The following KCNIP4 variants were observed in gnomAD, a reference collection of about 807,000 sequenced individuals.
KCNIP4 encodes Kv channel-interacting protein 4.
In KCNIP4, 12 loss-of-function variants were observed where a neutral mutation model predicts 34.0. That is an observed-to-expected ratio of 0.35 (90% CI 0.23 to 0.57). The LOEUF (loss-of-function observed/expected upper bound fraction) is 0.57, where lower values mean the gene tolerates loss of function less well. Ranked by LOEUF, KCNIP4 falls within the 20% of genes least tolerant of loss-of-function variation. KCNIP4 has a pLI of 0.83. For missense variants in KCNIP4, 238 were observed against 311.7 expected (o/e 0.76, Z 1.78); for synonymous variants, 124 against 102.2 (o/e 1.21, Z -1.29).
At chr4:20,989,371 G>T (rs1736879653) in intron 1 of KCNIP4, among the ~76,000 whole-genome samples, 1 of 152,230 alleles carries the variant, frequency 6.6e-6, no homozygotes, top group Admixed American at 6.5e-5. Flanking sequence ...AGAGAGCAGA[G>T]TTGGCTTGTT....
At chr4:21,346,080 TTA>T (rs1717291580) in intron 1 of KCNIP4, among the ~76,000 whole-genome samples, 1 of 127,236 alleles carries the variant, frequency 7.9e-6, no homozygotes, top group African/African-American at 2.9e-5. Flanking sequence ...ATATATATAT[TTA>T]AGATATTTAA....
chr4:21,281,116 T>C (rs1480922925), intron 1 of KCNIP4, among the ~76,000 whole-genome samples: 1 of 149,728 alleles, frequency 6.7e-6, no homozygotes, highest in African/African-American at 2.5e-5. Context: ...AGATGGAGTC[T>C]TGTTCTGTTC....
intron 1 of KCNIP4, among the ~76,000 whole-genome samples, chr4:21,642,831 A>G (rs892485092): frequency 1.3e-5 from 2 of 152,018 alleles, no homozygotes; most frequent in East Asian, 3.9e-4. Flanking sequence ...CTGGTACTCT[A>G]CAATGGAAAT....
chr4:21,045,287 T>TA (rs1742335047), intron 1 of KCNIP4, among the ~76,000 whole-genome samples: 1 of 152,152 alleles, frequency 6.6e-6, no homozygotes. Flanking sequence ...GGGATTTTGG[T>TA]AAAATGCAGA....
chr4:21,380,911 C>CT (rs762036498), intron 1 of KCNIP4, among the ~76,000 whole-genome samples: 69 of 152,122 alleles, frequency 4.5e-4, no homozygotes, highest in Admixed American at 9.2e-4. Flanking sequence ...GGAGAGGCAC[C>CT]TGATAAGATT....
chr4:20,904,272 G>T lies in KCNIP4; in HGVS notation c.62-21563C>A, dbSNP rs561628517. On this transcript the variant is annotated intron_variant, in intron 1 of 8. Coordinates refer to ENST00000382152, the MANE Select transcript of KCNIP4 (RefSeq NM_025221.6). ...TTTTTTATCAATGATTGATTTTATG[G>T]GGCATTGATTTATAATAGTAACAAT... 1.0e-4 allele frequency among the ~76,000 whole-genome samples: 15 copies of T among 150,546 alleles called. No individual in the cohort carries two copies. The South Asian group carries it at 3.1e-3, about 32-fold the overall frequency.
intron 1 of KCNIP4, among the ~76,000 whole-genome samples, chr4:21,562,707 C>A (rs996213374): frequency 6.6e-6 from 1 of 152,058 alleles, no homozygotes; most frequent in Non-Finnish European, 1.5e-5. Context: ...ACAACAAAAG[C>A]AAACCTCTCT....
chr4:21,335,660 T>C (rs1186487011), intron 1 of KCNIP4, among the ~76,000 whole-genome samples: 1 of 152,170 alleles, frequency 6.6e-6, no homozygotes, highest in Non-Finnish European at 1.5e-5. Context: ...AAAGTATAAA[T>C]CCAAGTAACT....
intron 1 of KCNIP4, among the ~76,000 whole-genome samples, chr4:21,255,223 A>G (rs1055257127): frequency 6.6e-6 from 1 of 151,940 alleles, no homozygotes; most frequent in Non-Finnish European, 1.5e-5. Flanking sequence ...TCATGCCCCC[A>G]TCCTTGACTC....
chr4:21,623,907 G>A (rs1233687039), intron 1 of KCNIP4, among the ~76,000 whole-genome samples: 2 of 152,164 alleles, frequency 1.3e-5, no homozygotes, highest in Non-Finnish European at 2.9e-5. Context: ...AGTATTTATT[G>A]AGAAAGAGTG....
Position 21,946,693 on chromosome 4 carries a change from A to G in KCNIP4, c.61+1878T>C, listed in dbSNP as rs181932070. On this transcript the variant is annotated intron_variant, in intron 1 of 8. Transcript: ENST00000382152. ...TCTTTATTCTTCTCATCATATGACAACTAACTAAAAATTTGTGAATACAAT... is the reference window on the plus strand; with the variant it reads ...TCTTTATTCTTCTCATCATATGACAGCTAACTAAAAATTTGTGAATACAAT... 5.1e-4 allele frequency among the ~76,000 whole-genome samples: 77 copies of G among 152,342 alleles called. No individual in the cohort carries two copies. In the South Asian group the frequency reaches 0.01, roughly 20 times the overall value.
intron 1 of KCNIP4, among the ~76,000 whole-genome samples, chr4:20,971,346 T>A (rs2149677276): frequency 6.6e-6 from 1 of 152,264 alleles, no homozygotes; most frequent in African/African-American, 2.4e-5. Flanking sequence ...AAAGGACAAG[T>A]ATATTGATTT....
intron 1 of KCNIP4, among the ~76,000 whole-genome samples, chr4:21,220,102 T>C (rs1757877867): frequency 6.6e-6 from 1 of 152,220 alleles, no homozygotes; most frequent in South Asian, 2.1e-4. Flanking sequence ...TATTCTGTTC[T>C]AATTTATTTA....
intron 5 of KCNIP4, among the ~76,000 whole-genome samples, chr4:20,738,189 T>C (rs1750162078): frequency 6.6e-6 from 1 of 151,698 alleles, no homozygotes; most frequent in Admixed American, 6.6e-5. Context: ...TTGCAGAACA[T>C]AGAGCCTTAT....
At position 21,467,712 on chromosome 4, in the gene KCNIP4, C is replaced by T. The variant is rs1163336597; in HGVS notation, c.61+480859G>A. On this transcript the variant is annotated intron_variant, in intron 1 of 8. Coordinates refer to ENST00000382152, the MANE Select transcript of KCNIP4 (RefSeq NM_025221.6). ...CTGCTGCGTCAGTGTCCTGTCATAT[C>T]AGCTCTGTGGCTTTTGGAAAAAAAG... Among the ~76,000 whole-genome samples the T allele has an allele frequency of 2.0e-5, 3 of 152,272 alleles. No individual in the cohort carries two copies. In the East Asian group the frequency reaches 5.8e-4, roughly 29 times the overall value.
At chr4:20,994,975 T>C (rs898174300) in intron 1 of KCNIP4, among the ~76,000 whole-genome samples, 3 of 152,200 alleles carry the variant, frequency 2.0e-5, no homozygotes, top group African/African-American at 7.2e-5. Context: ...TAAATGTGCT[T>C]GCATCTTATA....
At chr4:21,637,897 A>T (rs1017946947) in intron 1 of KCNIP4, among the ~76,000 whole-genome samples, 3 of 151,978 alleles carry the variant, frequency 2.0e-5, no homozygotes, top group Non-Finnish European at 4.4e-5. Context: ...AGAGTGTTTG[A>T]CACCAGAACT....
intron 1 of KCNIP4, among the ~76,000 whole-genome samples, chr4:21,890,451 C>T (rs1336661677): frequency 6.6e-6 from 1 of 152,000 alleles, no homozygotes; most frequent in African/African-American, 2.4e-5. Context: ...TTTGAAGAGC[C>T]TAAAGACCAA....
chr4:21,005,775 G>A (rs1738498504), intron 1 of KCNIP4, among the ~76,000 whole-genome samples: 1 of 152,278 alleles, frequency 6.6e-6, no homozygotes, highest in East Asian at 1.9e-4. Context: ...TTTGGTTATA[G>A]TGAAGGAGGA....
Sources: allele counts gnomAD v4.1 joint callset (sites outside exome capture counted in the v4.1 genomes callset), GRCh38; gene constraint gnomAD v4.1.1; transcripts MANE v1.5; gene names NCBI Gene and HGNC (gene_info 2026-07-23, HGNC 2026-07-21).